COL18A1: variants seen among roughly 807,000 people sequenced by gnomAD.
COL18A1 encodes the protein collagen type XVIII alpha 1 chain.
Under a neutral mutation model 168.0 loss-of-function variants are expected in COL18A1, and 133 were observed. That is an observed-to-expected ratio of 0.79 (90% CI 0.69 to 0.91). The LOEUF (loss-of-function observed/expected upper bound fraction) is 0.91. COL18A1 is among the 40% of genes least tolerant of loss of function. The pLI, the probability that COL18A1 is intolerant of heterozygous loss-of-function variation, is 0.00. For missense variants in COL18A1, 2,126 were observed against 1,925.4 expected (o/e 1.10, Z -1.95); for synonymous variants, 949 against 809.0 (o/e 1.17, Z -2.94).
intron 2 of COL18A1, among the ~76,000 whole-genome samples, chr21:45,418,156 C>T (rs924020869): frequency 2.2e-4 from 34 of 152,388 alleles, no homozygotes; most frequent in Middle Eastern, 6.8e-3. Context: ...CCAGGGGAGC[C>T]GGCTCTGACT....
chr21:45,407,506 CTG>C (rs2033151954), intron 2 of COL18A1: 1 of 152,276 alleles, frequency 6.6e-6, no homozygotes, highest in South Asian at 2.1e-4. Flanking sequence ...TGCCACCCAG[CTG>C]TGTGAGGTGC....
rs533078931 is a variant in COL18A1 at position 45,507,530 on chromosome 21, G to A, written c.3217-31G>A. On this transcript the variant is annotated intron_variant, in intron 37 of 41. Transcript: ENST00000651438. ...GCACCCTGGCTCAGGCCCAGCCGCA[G>A]GTCCTGGGTGACCCTGCTGCTTTCT... 8 of 1,610,504 alleles carry A rather than the reference G, an allele frequency of 5.0e-6. No individual in the cohort carries two copies. The African/African-American group carries it at 1.1e-4, about 21-fold the overall frequency.
At chr21:45,494,312 C>T (rs538552447) in intron 26 of COL18A1, 13 of 547,806 alleles carry the variant, frequency 2.4e-5, no homozygotes, top group South Asian at 3.8e-5. Flanking sequence ...CCAACCTGGA[C>T]GCAAACCCCA....
chr21:45,423,483 GCCCGCCC>G lies in COL18A1; in HGVS notation c.106+18029_106+18035del, dbSNP rs762539241. ...AAGCTGTGTCCACACACAGCTGGGC[GCCCGCCC>G]CCCGCCCCCCGCCCCCCGGAGGGCC... On this transcript the variant is annotated intron_variant, in intron 2 of 41. Transcript: ENST00000651438. The surrounding 1 kb of genome is among the most constrained non-coding windows in gnomAD (Gnocchi z 4.0). Among the ~76,000 whole-genome samples, 1,976 of 150,196 alleles carry G rather than the reference GCCCGCCC, an allele frequency of 0.013. 48 individuals are homozygous for G. The highest frequency in any genetic ancestry group is 0.046 in the African/African-American group (1,872 of 41,054).
chr21:45,491,466 C>CAGAGGCCCTCGGTCAG (rs367715668), intron 22 of COL18A1, 152 bp downstream of exon 22: 35,198 of 631,810 alleles, frequency 0.056, 1,305 homozygotes, highest in African/African-American at 0.12. Flanking sequence ...GTGGGGGCTG[C>CAGAGGCCCTCGGTCAG]AGACGCCCTC....
At chr21:45,487,576 G>A (rs779675166) in intron 17 of COL18A1, 67 bp downstream of exon 17, 4 of 1,589,676 alleles carry the variant, frequency 2.5e-6, no homozygotes, top group African/African-American at 1.3e-5. Flanking sequence ...GCAGGAGAGT[G>A]TCCCTGAGAG....
intron 2 of COL18A1, chr21:45,455,450 C>T: frequency 6.3e-7 from 1 of 1,584,298 alleles, no homozygotes; most frequent in Admixed American, 1.7e-5. Context: ...CAGGGGAGGG[C>T]AGGAGGGCGT....
At position 45,454,047 on chromosome 21, in the gene COL18A1, TCA is replaced by T. The variant is rs1158340098; in HGVS notation, c.107-14192_107-14191del. 3.3e-5 allele frequency among the ~76,000 whole-genome samples: 5 copies of T among 152,164 alleles called. No homozygotes were observed. The East Asian group carries it at 5.8e-4, about 18-fold the overall frequency. Reference sequence around the variant, plus strand: ...TCCGGAGGCGTGTTCAGACATAAAATCACAGCAGCAGCAGTCAGTTTTCAAGC... The same window carrying T: ...TCCGGAGGCGTGTTCAGACATAAAATCAGCAGCAGCAGTCAGTTTTCAAGC... On this transcript the variant is annotated intron_variant, in intron 2 of 41. Transcript: ENST00000651438.
At chr21:45,467,279 A>T (rs1382188380) in intron 2 of COL18A1, 2 of 985,338 alleles carry the variant, frequency 2.0e-6, no homozygotes, top group Non-Finnish European at 2.4e-6. Flanking sequence ...AGGGATGGAC[A>T]GGGCTCCTTC....
chr21:45,438,879 C>G (rs912354062), intron 2 of COL18A1, among the ~76,000 whole-genome samples: 1 of 152,226 alleles, frequency 6.6e-6, no homozygotes, highest in East Asian at 1.9e-4. Context: ...GAGGCACATT[C>G]CAGATGGCGA....
rs760886724 is a variant in COL18A1, at chr21:45,455,684, C to T, written c.107-12558C>T. Reference sequence around the variant, plus strand: ...CACGATCCCTGAGCCCCAGGGGCCCCTGCCTGTGCAGCCCACAGCAGATAC... The same window carrying T: ...CACGATCCCTGAGCCCCAGGGGCCCTTGCCTGTGCAGCCCACAGCAGATAC... On this transcript the variant is annotated intron_variant, in intron 2 of 41. Coordinates refer to ENST00000651438, the MANE Select transcript of COL18A1 (RefSeq NM_001379500.1). 5 of 1,613,894 alleles carry T rather than the reference C, an allele frequency of 3.1e-6. No homozygotes were observed. Among genetic ancestry groups the T allele is most frequent in the Non-Finnish European group, 3.4e-6 (4 of 1,179,960 alleles).
At chr21:45,405,336 C>CT in intron 1 of COL18A1, 43 bp from the exon 2 acceptor site, 3 of 1,025,886 alleles carry the variant, frequency 2.9e-6, no homozygotes, top group Non-Finnish European at 3.5e-6. Context: ...CTGCGGGGGT[C>CT]GCGGGGGTCC....
intron 15 of COL18A1, among the ~76,000 whole-genome samples, chr21:45,486,338 G>A (rs2036111335): frequency 8.1e-6 from 1 of 123,604 alleles, no homozygotes; most frequent in South Asian, 2.8e-4. Context: ...GCCTGCCGGG[G>A]AGCCAGGGCT....
At chr21:45,495,562 G>A in intron 29 of COL18A1, 130 bp downstream of exon 29, 8 of 764,024 alleles carry the variant, frequency 1.0e-5, no homozygotes, top group Non-Finnish European at 4.6e-6. Context: ...TGGCCACACA[G>A]CACTGGTCAT....
chr21:45,423,507 C>A lies in COL18A1; in HGVS notation c.106+18034C>A, dbSNP rs1237739602. On this transcript the variant is annotated intron_variant, in intron 2 of 41. Coordinates refer to ENST00000651438, the MANE Select transcript of COL18A1 (RefSeq NM_001379500.1). The surrounding 1 kb of genome is among the most constrained non-coding windows in gnomAD (Gnocchi z 4.0). The stretch of plus-strand genomic sequence containing the variant: ...CGCCCGCCCCCCGCCCCCCGCCCCC[C>A]GGAGGGCCCGGCTCCAAGGGTCATA... 1.3e-5 allele frequency among the ~76,000 whole-genome samples: 2 copies of A among 151,670 alleles called. No individual in the cohort carries two copies. Among genetic ancestry groups the A allele is most frequent in the Admixed American group, 1.3e-4 (2 of 15,244 alleles).
In COL18A1 at chr21:45,505,886, G is replaced by A. The variant is rs1286624194; in HGVS notation, c.3136G>A (p.Val1046Ile). 19 of 1,612,822 alleles carry A rather than the reference G, an allele frequency of 1.2e-5. No individual in the cohort carries two copies. Among genetic ancestry groups the A allele is most frequent in the Non-Finnish European group, 1.6e-5 (19 of 1,179,940 alleles). ...GGCCATGCTGGGCCAGGTGCACGAG[G>A]TTCCCGAGGGCTGGCTCATCTTCGT... ...RQAMLGQVHE[V>I]PEGWLIFVAE... The change falls in exon 37 of 42, where the codon GTT (valine) becomes ATT (isoleucine). Residue 1046 changes from valine (V) to isoleucine (I), a missense_variant. Physicochemically the swap from Val to Ile is conservative, Grantham distance 29. Transcript: ENST00000651438.
At chr21:45,456,450 A>T in intron 2 of COL18A1, 1 of 1,544,318 alleles carries the variant, frequency 6.5e-7, no homozygotes, top group African/African-American at 1.4e-5. Flanking sequence ...TGGGTCTCCC[A>T]CGTGGCTAAC....
Position 45,497,943 on chromosome 21 carries a change from C to G in COL18A1, c.2683+282C>G, listed in dbSNP as rs955560386. The G allele has an allele frequency of 6.6e-5, 40 of 604,416 alleles. 1 individual carries two copies. The East Asian group carries it at 1.1e-3, about 17-fold the overall frequency. The allele number at this position is 604,416 out of a possible 1,614,324, so 37.4% of individuals were successfully genotyped here. ...CCATGCTAGACCCAGGTGGGCACTG[C>G]GCAGAGACACAGCAGCTTCAGTGTC... On this transcript the variant is annotated intron_variant, in intron 32 of 41. Transcript: ENST00000651438.
At chr21:45,490,730 G>T in intron 20 of COL18A1, 106 bp from the exon 21 acceptor site, 1 of 1,251,898 alleles carries the variant, frequency 8.0e-7, no homozygotes, top group South Asian at 1.3e-5. Flanking sequence ...GGCCCCAGCC[G>T]GTCGGGAAAT....
Sources: allele counts gnomAD v4.1 joint callset (sites outside exome capture counted in the v4.1 genomes callset), GRCh38; gene constraint gnomAD v4.1.1; non-coding constraint Gnocchi (gnomAD v3.1); transcripts MANE v1.5; gene names NCBI Gene and HGNC (gene_info 2026-07-23, HGNC 2026-07-21).